The following CSMD3 variants were observed in gnomAD, a reference collection of about 807,000 sequenced individuals.
The protein encoded by CSMD3 is CUB and Sushi multiple domains 3, also known as CUB and sushi domain-containing protein 3.
A neutral mutation model predicts 435.2 loss-of-function variants in CSMD3; 177 were observed. The observed-to-expected ratio is 0.41, with a 90% CI of 0.36 to 0.46. The LOEUF is 0.46. Among genes scored for constraint, CSMD3 ranks in the 20% least tolerant of loss-of-function variants. CSMD3 has a pLI of 0.34. For missense variants in CSMD3, 4,265 were observed against 4,504.6 expected (o/e 0.95, Z 1.52); for synonymous variants, 1,656 against 1,520.5 (o/e 1.09, Z -2.07).
chr8:113,012,391 A>T (rs1442513732), intron 6 of CSMD3, among the ~76,000 whole-genome samples: 1 of 151,902 alleles, frequency 6.6e-6, no homozygotes, highest in Non-Finnish European at 1.5e-5. Context: ...CTACTCATCT[A>T]TGTCTAATAT....
At chr8:113,241,404 G>C (rs1397529701) in intron 3 of CSMD3, among the ~76,000 whole-genome samples, 1 of 151,936 alleles carries the variant, frequency 6.6e-6, no homozygotes, top group African/African-American at 2.4e-5. Flanking sequence ...AAAGATAAGA[G>C]AGAAATAACA....
chr8:113,339,278 CT>C (rs1288491376), intron 1 of CSMD3, among the ~76,000 whole-genome samples: 1 of 151,820 alleles, frequency 6.6e-6, no homozygotes, highest in Non-Finnish European at 1.5e-5. Flanking sequence ...ATATAAATGT[CT>C]CATTGTCTTT....
At position 112,379,163 on chromosome 8, in the gene CSMD3, G is replaced by A. The variant is rs1829236301; in HGVS notation, c.6136+1189C>T. 2.0e-5 allele frequency among the ~76,000 whole-genome samples: 3 copies of A among 152,106 alleles called. No homozygotes were observed. The South Asian group carries it at 6.2e-4, about 32-fold the overall frequency. On this transcript the variant is annotated intron_variant, in intron 38 of 70. Coordinates refer to ENST00000297405, the MANE Select transcript of CSMD3 (RefSeq NM_198123.2). ...ACTTAACCAAGGAGGTGAAAGACTT[G>A]CACTCTAAAAACTACAAAATAGTAG... is the stretch of plus-strand genomic sequence containing the variant.
chr8:113,397,156 C>A (rs1420503064), intron 1 of CSMD3, among the ~76,000 whole-genome samples: 1 of 152,110 alleles, frequency 6.6e-6, no homozygotes, highest in East Asian at 1.9e-4. Context: ...CACACTATGC[C>A]TTACAAACTA....
At chr8:112,245,982 T>C (rs551428808) in intron 64 of CSMD3, among the ~76,000 whole-genome samples, 1 of 152,300 alleles carries the variant, frequency 6.6e-6, no homozygotes, top group East Asian at 1.9e-4. Context: ...TGCTTCACAG[T>C]GACAGACGCT....
intron 16 of CSMD3, among the ~76,000 whole-genome samples, chr8:112,673,189 C>T (rs2075697143): frequency 6.6e-6 from 1 of 151,178 alleles, no homozygotes; most frequent in African/African-American, 2.4e-5. Flanking sequence ...AAAAAACTTG[C>T]TTTATGGTTA....
intron 10 of CSMD3, among the ~76,000 whole-genome samples, chr8:112,904,411 T>C (rs2082197066): frequency 6.6e-6 from 1 of 151,416 alleles, no homozygotes; most frequent in Admixed American, 6.6e-5. Flanking sequence ...TGTCTGTTGA[T>C]TTAAAACAAA....
In CSMD3 at chr8:112,747,962, CAAAAAAA is replaced by C. The variant is rs71309788; in HGVS notation, c.1972+52193_1972+52199del. ...TGGGCGACAGAACAAGACTCCGTCTCAAAAAAAAAAAAAAAAAAAAAAAACAGGCATC... is the reference window on the plus strand; with the variant it reads ...TGGGCGACAGAACAAGACTCCGTCTCAAAAAAAAAAAAAAAAACAGGCATC... On this transcript the variant is annotated intron_variant, in intron 13 of 70. Coordinates refer to ENST00000297405, the MANE Select transcript of CSMD3 (RefSeq NM_198123.2). Among the ~76,000 whole-genome samples the C allele has an allele frequency of 5.4e-4, 52 of 96,748 alleles. No homozygotes were observed. The East Asian group carries it at 6.8e-3, about 13-fold the overall frequency. 63.5% of individuals were successfully genotyped at this position (96,748 alleles called of 152,430 possible). A position where few individuals can be genotyped will look rare whatever the true frequency, so the allele number is the denominator to read the frequency against.
chr8:112,262,077 T>TCAA lies in CSMD3; in HGVS notation c.9862+1561_9862+1562insTTG, dbSNP rs368944850. Among the ~76,000 whole-genome samples, 517 of 152,206 alleles carry TCAA rather than the reference T, an allele frequency of 3.4e-3. 3 individuals carry two copies. Among genetic ancestry groups the TCAA allele is most frequent in the African/African-American group, 0.012 (482 of 41,560 alleles). ...TGGGTTATACCATTTGAATCTTGCT[T>TCAA]AAGAAATTCCTTCTAAACCTGAGGT... On this transcript the variant is annotated intron_variant, in intron 61 of 70. Transcript: ENST00000297405.
chr8:112,480,944 A>T (rs10106343), intron 31 of CSMD3, among the ~76,000 whole-genome samples: 47,296 of 152,074 alleles, frequency 0.31, 7,556 homozygotes, highest in East Asian at 0.5. Context: ...TGTTTAATTT[A>T]AAAAAATTAT....
intron 5 of CSMD3, among the ~76,000 whole-genome samples, chr8:113,079,960 C>T (rs2089491298): frequency 6.6e-6 from 1 of 152,054 alleles, no homozygotes. Flanking sequence ...TTGTTTTTCT[C>T]TCCACATTTC....
chr8:113,280,306 G>A (rs969215318), intron 2 of CSMD3, among the ~76,000 whole-genome samples: 3 of 151,424 alleles, frequency 2.0e-5, no homozygotes, highest in East Asian at 1.9e-4. Flanking sequence ...ACTTTTTTTC[G>A]TTGCTAATTT....
chr8:112,377,400 A>G (rs898318822), intron 38 of CSMD3, among the ~76,000 whole-genome samples: 1 of 152,160 alleles, frequency 6.6e-6, no homozygotes, highest in African/African-American at 2.4e-5. Context: ...AGATGGCTAC[A>G]CTGGTGAATT....
chr8:113,097,388 T>A (rs563241338), intron 5 of CSMD3, among the ~76,000 whole-genome samples: 43 of 152,182 alleles, frequency 2.8e-4, no homozygotes, highest in Admixed American at 1.8e-3. Flanking sequence ...TTTCTTCCCT[T>A]GTCTGCATGA....
intron 5 of CSMD3, among the ~76,000 whole-genome samples, chr8:113,069,083 A>G (rs1002825762): frequency 6.6e-6 from 1 of 152,064 alleles, no homozygotes; most frequent in Admixed American, 6.6e-5. Context: ...CGATTTTCTG[A>G]TATATATGAA....
intron 22 of CSMD3, among the ~76,000 whole-genome samples, chr8:112,597,035 A>T (rs547540982): frequency 1.6e-4 from 25 of 152,318 alleles, no homozygotes; most frequent in South Asian, 1.2e-3. Context: ...ACTGAAGGAA[A>T]TAGAGACACA....
intron 5 of CSMD3, among the ~76,000 whole-genome samples, chr8:113,067,408 G>A (rs1381688951): frequency 1.3e-5 from 2 of 152,110 alleles, no homozygotes; most frequent in African/African-American, 4.8e-5. Flanking sequence ...GGAATGGACT[G>A]AAATTGCAGC....
intron 4 of CSMD3, among the ~76,000 whole-genome samples, chr8:113,104,250 A>C (rs1328359188): frequency 2.0e-5 from 3 of 152,120 alleles, no homozygotes; most frequent in Non-Finnish European, 4.4e-5. Context: ...CTAAGCATTC[A>C]ATTCAATTTC....
intron 3 of CSMD3, among the ~76,000 whole-genome samples, chr8:113,275,391 A>C (rs907445192): frequency 6.6e-6 from 1 of 152,108 alleles, no homozygotes; most frequent in African/African-American, 2.4e-5. Context: ...CATAAGAATC[A>C]GTGAGTCTCT....
Sources: gnomAD v4.1 joint callset for allele counts (sites outside exome capture counted in the v4.1 genomes callset) on GRCh38, gnomAD v4.1.1 for gene constraint, MANE v1.5 for transcripts, NCBI Gene and HGNC (gene_info 2026-07-23, HGNC 2026-07-21) for gene names.